POLRMT: variants seen among roughly 807,000 people sequenced by gnomAD.
POLRMT encodes the protein RNA polymerase mitochondrial.
Under a neutral mutation model 132.2 loss-of-function variants are expected in POLRMT, and 114 were observed. That is an observed-to-expected ratio of 0.86 (90% CI 0.74 to 1.01). The LOEUF (loss-of-function observed/expected upper bound fraction) is 1.01, where lower values mean the gene tolerates loss of function less well. Among genes scored for constraint, POLRMT ranks in the 50% least tolerant of loss-of-function variants. The pLI is 0.00. For missense variants in POLRMT, 2,003 were observed against 1,729.1 expected (o/e 1.16, Z -2.81); for synonymous variants, 1,020 against 773.4 (o/e 1.32, Z -5.29).
At chr19:618,821 A>G in intron 15 of POLRMT, 61 bp from the exon 16 acceptor site, 4 of 1,522,274 alleles carry the variant, frequency 2.6e-6, no homozygotes, top group Non-Finnish European at 2.7e-6. Flanking sequence ...TGGTACATTG[A>G]GGTGGTGGTA....
chr19:633,298 C>T, intron 1 of POLRMT, 127 bp downstream of exon 1: 1 of 1,183,730 alleles, frequency 8.4e-7, no homozygotes. Flanking sequence ...GAAAGCGGGG[C>T]CGGGTCGGTG....
chr19:619,593 A>G lies in POLRMT; in HGVS notation c.3059T>C (p.Phe1020Ser). 6.2e-7 allele frequency: 1 copy of G among 1,611,418 alleles called. No homozygotes were observed. The highest frequency in any genetic ancestry group is 8.5e-7 in the Non-Finnish European group (1 of 1,179,624). Residue 1020 changes from phenylalanine to serine, a missense_variant, in exon 13 of 21, where the codon TTT (phenylalanine) becomes TCT (serine). Phe to Ser is a radical substitution (Grantham distance 155). Coordinates refer to ENST00000588649, the MANE Select transcript of POLRMT (RefSeq NM_005035.4). ...GCGACATGCCTGGCGCACCTGGGGA[A>G]AGTCGCTCAGCTCCCGGAGGCGCTT... ...IEKRLRELSD[F>S]PQEFVWEASH... is the part of the protein sequence containing the mutation.
At position 619,418 on chromosome 19, in the gene POLRMT, G is replaced by A. The variant is rs935420642; in HGVS notation, c.3067-122C>T. ...GCCTAGCAGGGGGGCAGGGGAATGG[G>A]GCCTGGCGCCCACGCAGTCAGCAAG... On this transcript the variant is annotated intron_variant, in intron 13 of 20. Transcript: ENST00000588649. The A allele has an allele frequency of 2.2e-6, 3 of 1,365,006 alleles. No homozygotes were observed. The South Asian group carries it at 3.7e-5, about 17-fold the overall frequency. The allele number at this position is 1,365,006 out of a possible 1,614,324, so 84.6% of individuals were successfully genotyped here. A position where few individuals can be genotyped will look rare whatever the true frequency, so the allele number is the denominator to read the frequency against.
intron 12 of POLRMT, 83 bp downstream of exon 12, chr19:619,875 A>G (rs1222576102): frequency 1.3e-6 from 2 of 1,585,468 alleles, no homozygotes; most frequent in Non-Finnish European, 1.7e-6. Flanking sequence ...AGGACAGGCC[A>G]AGGTGAGGGC....
chr19:619,099 G>C lies in POLRMT; in HGVS notation c.3165C>G (p.Thr1055=), dbSNP rs149476145. 3 of 1,611,302 alleles carry C rather than the reference G, an allele frequency of 1.9e-6. No individual in the cohort carries two copies. Among genetic ancestry groups the C allele is most frequent in the Non-Finnish European group, 8.5e-7 (1 of 1,179,212 alleles). ...SGTRAIQHWL[T]ESARLISHMG... is the part of the protein sequence containing the mutation. Reference sequence around the variant, plus strand: ...TGTGGGAGATGAGGCGGGCACTCTCGGTCAGCCAGTGCTGTGGGACACAGG... The same window carrying C: ...TGTGGGAGATGAGGCGGGCACTCTCCGTCAGCCAGTGCTGTGGGACACAGG... Residue 1055 remains threonine (T), a synonymous_variant, in exon 15 of 21, where the codon ACC becomes ACG. Coordinates refer to ENST00000588649, the MANE Select transcript of POLRMT (RefSeq NM_005035.4).
intron 6 of POLRMT, 143 bp from the exon 7 acceptor site, chr19:623,128 G>T: frequency 8.7e-7 from 1 of 1,152,762 alleles, no homozygotes; most frequent in Middle Eastern, 2.8e-4. Context: ...CCTCACCCCG[G>T]CCTGCCCTCT....
In POLRMT at chr19:621,684, G is replaced by A. The variant is rs754938918; in HGVS notation, c.2014C>T (p.Arg672Cys). ...AFLLSPTKLMRTVEGATQHQE... is the reference protein window; with the variant it reads ...AFLLSPTKLMCTVEGATQHQE... Reference sequence around the variant, plus strand: ...TGCTGCGTGGCGCCTTCCACCGTGCGCATCAGCTTGGTGGGGCTGAGCAGG... The same window carrying A: ...TGCTGCGTGGCGCCTTCCACCGTGCACATCAGCTTGGTGGGGCTGAGCAGG... Residue 672 changes from arginine to cysteine, a missense_variant, in exon 10 of 21, where the codon CGC becomes TGC. Coordinates refer to ENST00000588649, the MANE Select transcript of POLRMT (RefSeq NM_005035.4). The A allele has an allele frequency of 8.9e-6, 14 of 1,574,446 alleles. No homozygotes were observed. Among genetic ancestry groups the A allele is most frequent in the Admixed American group, 1.7e-5 (1 of 57,202 alleles).
At chr19:622,125 G>A (rs754715477) in intron 9 of POLRMT, 24 bp downstream of exon 9, 2 of 1,522,234 alleles carry the variant, frequency 1.3e-6, no homozygotes, top group African/African-American at 1.4e-5. Flanking sequence ...ATGCCCCCCA[G>A]CTCAGGAGGG....
intron 3 of POLRMT, chr19:625,632 C>T (rs566804439): frequency 1.2e-4 from 21 of 178,778 alleles, no homozygotes; most frequent in Admixed American, 4.9e-4. Flanking sequence ...CATCTACTTG[C>T]TTTAGGTTTA....
intron 2 of POLRMT, among the ~76,000 whole-genome samples, chr19:631,275 C>G (rs1458953559): frequency 6.7e-6 from 1 of 150,300 alleles, no homozygotes; most frequent in African/African-American, 2.5e-5. Context: ...CTGCTGTGAG[C>G]CGTGATCAGG....
At position 619,640 on chromosome 19, in the gene POLRMT, ATAGCGCGTGACCC is replaced by A; in HGVS notation, c.2999_3011del (p.Gly1000ValfsTer14). 1 of 1,610,824 alleles carries A rather than the reference ATAGCGCGTGACCC, an allele frequency of 6.2e-7. No individual in the cohort carries two copies. Among genetic ancestry groups the A allele is most frequent in the East Asian group, 2.2e-5 (1 of 44,872 alleles). On this transcript the variant is annotated frameshift_variant, in exon 13 of 21. Transcript: ENST00000588649. LOFTEE classifies it high-confidence loss of function. ...GCTTCTCAATCTGCAGGCGCCCGCC[ATAGCGCGTGACCC>A]CGTACACCACCGTCATCACCGTCTG...
At chr19:618,454 G>A (rs1984191953) in intron 17 of POLRMT, 34 bp downstream of exon 17, 1 of 1,509,922 alleles carries the variant, frequency 6.6e-7, no homozygotes, top group Non-Finnish European at 9.1e-7. Context: ...CCCCTGGGAG[G>A]CGAGCGGCAC....
Position 629,596 on chromosome 19 carries a change from G to C in POLRMT, c.766C>G (p.Arg256Gly). 6.3e-7 allele frequency: 1 copy of C among 1,599,922 alleles called. No homozygotes were observed. Among genetic ancestry groups the C allele is most frequent in the Non-Finnish European group, 8.5e-7 (1 of 1,174,582 alleles). ...TACATGTCCAGCGTGAGCAGCTTCC[G>C]CTTCTGCCGCTGGCCGTGGTGGACG... is the stretch of plus-strand genomic sequence containing the variant. ...LVVHHGQRQKRKLLTLDMYNA... is the reference protein window; with the variant it reads ...LVVHHGQRQKGKLLTLDMYNA... The change falls in exon 3 of 21, where the codon CGG (arginine) becomes GGG (glycine). Residue 256 changes from arginine (R) to glycine (G), a missense_variant. Arg to Gly is a moderately radical substitution (Grantham distance 125). Transcript: ENST00000588649.
At chr19:617,947 C>A in intron 17 of POLRMT, 98 bp from the exon 18 acceptor site, 1 of 1,110,956 alleles carries the variant, frequency 9.0e-7, no homozygotes, top group South Asian at 1.3e-5. Flanking sequence ...CACTTGAGGT[C>A]CAGGGAAGCC....
chr19:621,020 T>TGCCGGGGGAGGGCGCGGGGGC (rs779231237), intron 10 of POLRMT, 38 bp downstream of exon 10: 1 of 784,798 alleles, frequency 1.3e-6, no homozygotes, highest in East Asian at 6.6e-5. Context: ...GGCGCGGGGG[T>TGCCGGGGGAGGGCGCGGGGGC]GCCGGGAGGG....
intron 2 of POLRMT, among the ~76,000 whole-genome samples, chr19:630,577 C>T (rs543981727): frequency 1.5e-4 from 23 of 152,244 alleles, no homozygotes; most frequent in African/African-American, 4.3e-4. Context: ...CCTCCCCTGC[C>T]CCTCTCACTG....
chr19:632,986 G>C, intron 1 of POLRMT, 48 bp from the exon 2 acceptor site: 2 of 1,356,276 alleles, frequency 1.5e-6, no homozygotes, highest in African/African-American at 1.5e-5. Context: ...GTGTGGGCGG[G>C]GGCCTCCATA....
chr19:627,357 G>A (rs555819240), intron 3 of POLRMT, among the ~76,000 whole-genome samples: 76 of 151,778 alleles, frequency 5.0e-4, no homozygotes, highest in Middle Eastern at 3.4e-3. Context: ...GTTTCACTGT[G>A]TTAGCCAGGA....
rs754453008 is a variant in POLRMT at position 633,407 on chromosome 19, C to T, written c.88+18G>A. On this transcript the variant is annotated intron_variant, in intron 1 of 20. Transcript: ENST00000588649. ...CGCCGTGGCCCCCGGGCTGCCTGGC[C>T]GTCTCCCTTTGTGTTACCTTCTTTG... is the stretch of plus-strand genomic sequence containing the variant. 51 of 1,510,396 alleles carry T rather than the reference C, an allele frequency of 3.4e-5. No individual in the cohort carries two copies. The highest frequency in any genetic ancestry group is 5.8e-5 in the African/African-American group (4 of 68,600). 93.6% of individuals were successfully genotyped at this position (1,510,396 alleles called of 1,614,324 possible). A position where few individuals can be genotyped will look rare whatever the true frequency, so the allele number is the denominator to read the frequency against.
Sources: allele counts gnomAD v4.1 joint callset (sites outside exome capture counted in the v4.1 genomes callset), GRCh38; gene constraint gnomAD v4.1.1; transcripts MANE v1.5; gene names NCBI Gene and HGNC (gene_info 2026-07-23, HGNC 2026-07-21).